Variants in MCTP2 observed in about 807,000 individuals in gnomAD.
MCTP2 encodes multiple C2 and transmembrane domain-containing protein 2.
Under a neutral mutation model 111.6 loss-of-function variants are expected in MCTP2, and 132 were observed. The ratio of observed to expected loss-of-function variants is 1.18; its 90% CI spans 1.03 to 1.37. The LOEUF (loss-of-function observed/expected upper bound fraction) is 1.37. Among genes scored for constraint, MCTP2 ranks in the 40% most tolerant of loss-of-function variants. MCTP2 has a pLI of 0.00. For synonymous variants in MCTP2, 395 were observed against 387.7 expected, an observed-to-expected ratio of 1.02 and a Z score of -0.22; for missense variants, 1,183 against 1,067.9, an observed-to-expected ratio of 1.11 and a Z score of -1.50.
chr15:94,243,522 TAC>T lies in MCTP2; in HGVS notation c.-66+11864_-66+11865del, dbSNP rs1360089941. Among the ~76,000 whole-genome samples the T allele has an allele frequency of 5.0e-5, 7 of 141,156 alleles. No individual in the cohort carries two copies. The East Asian group carries it at 6.2e-4, about 12-fold the overall frequency. 92.6% of individuals were successfully genotyped at this position (141,156 alleles called of 152,430 possible). A position where few individuals can be genotyped will look rare whatever the true frequency, so the allele number is the denominator to read the frequency against. On this transcript the variant is annotated intron_variant, in intron 1 of 22. Coordinates refer to ENST00000357742, the MANE Select transcript of MCTP2 (RefSeq NM_001385001.1). The stretch of plus-strand genomic sequence containing the variant: ...ACATATGTATGCGTATATGCGTATG[TAC>T]ACACATACGTATGCGTGCATACGTA...
intron 2 of MCTP2, among the ~76,000 whole-genome samples, chr15:94,305,717 G>A (rs1233164833): frequency 6.6e-6 from 1 of 152,144 alleles, no homozygotes; most frequent in Non-Finnish European, 1.5e-5. Context: ...CCAAAGGCTT[G>A]GAAAGCCATA....
chr15:94,403,002 A>C (rs11633973), intron 17 of MCTP2: 641,490 of 994,612 alleles, frequency 0.64, 210,145 homozygotes, highest in Middle Eastern at 0.71. Flanking sequence ...GGGAAAAAAA[A>C]CATTTATTAG....
At chr15:94,463,695 ATGATGTT>A (rs1453682785) in intron 20 of MCTP2, among the ~76,000 whole-genome samples, 4 of 152,124 alleles carry the variant, frequency 2.6e-5, no homozygotes, top group African/African-American at 9.7e-5. Flanking sequence ...ACCCTCAAGA[ATGATGTT>A]TGCTGTAGGT....
At chr15:94,424,608 G>A (rs552022404) in intron 17 of MCTP2, among the ~76,000 whole-genome samples, 2 of 152,244 alleles carry the variant, frequency 1.3e-5, no homozygotes, top group Non-Finnish European at 2.9e-5. Flanking sequence ...AGGACCACTA[G>A]GTTTTGGGAT....
intron 14 of MCTP2, among the ~76,000 whole-genome samples, chr15:94,397,743 A>G (rs1164901745): frequency 6.6e-6 from 1 of 152,222 alleles, no homozygotes; most frequent in Admixed American, 6.5e-5. Flanking sequence ...ACTGTTTATA[A>G]GAACACTTGT....
Position 94,401,997 on chromosome 15 carries a change from T to G in MCTP2, c.2063T>G (p.Leu688Ter). The G allele has an allele frequency of 1.9e-6, 3 of 1,613,528 alleles. No homozygotes were observed. The highest frequency in any genetic ancestry group is 2.5e-6 in the Non-Finnish European group (3 of 1,179,732). Residue 688 changes from leucine (L) to a stop codon, truncating the protein, a stop_gained, in exon 17 of 23, where the codon TTA becomes TGA. Coordinates refer to ENST00000357742, the MANE Select transcript of MCTP2 (RefSeq NM_001385001.1). LOFTEE classifies it high-confidence loss of function. Reference sequence around the variant, plus strand: ...AGCTGCTTCCAGTGGGAATCCACATTAAGAAGTACAATAGCATTCGCGGTA... The same window carrying G: ...AGCTGCTTCCAGTGGGAATCCACATGAAGAAGTACAATAGCATTCGCGGTA... The part of the protein sequence containing the change: ...LKSCFQWEST[L>*]RSTIAFAVFL...
chr15:94,446,341 A>G (rs576206536), intron 19 of MCTP2, among the ~76,000 whole-genome samples: 2 of 152,354 alleles, frequency 1.3e-5, no homozygotes, highest in African/African-American at 4.8e-5. Flanking sequence ...CAGAACAAAC[A>G]GATAATAGCT....
chr15:94,432,659 G>A (rs1398202204), intron 17 of MCTP2, among the ~76,000 whole-genome samples: 2 of 152,176 alleles, frequency 1.3e-5, no homozygotes, highest in South Asian at 2.1e-4. Flanking sequence ...TTCATGGACA[G>A]TGTGTAAGCC....
At chr15:94,303,478 CTT>C (rs1473745900) in intron 2 of MCTP2, among the ~76,000 whole-genome samples, 1 of 152,084 alleles carries the variant, frequency 6.6e-6, no homozygotes, top group Non-Finnish European at 1.5e-5. Context: ...ATGTTAATCT[CTT>C]TTAGCAACAC....
At chr15:94,388,976 G>A (rs749976210) in intron 14 of MCTP2, among the ~76,000 whole-genome samples, 2 of 152,162 alleles carry the variant, frequency 1.3e-5, no homozygotes, top group Admixed American at 6.5e-5. Flanking sequence ...CGTCAGGGTC[G>A]GGGTTGGGGG....
chr15:94,268,488 G>A (rs918861976), intron 1 of MCTP2, among the ~76,000 whole-genome samples: 5 of 151,984 alleles, frequency 3.3e-5, no homozygotes, highest in Non-Finnish European at 7.4e-5. Context: ...CACCGCGCCT[G>A]GCCACTTTCC....
At chr15:94,297,777 A>C (rs1450844520) in intron 1 of MCTP2, among the ~76,000 whole-genome samples, 1 of 152,228 alleles carries the variant, frequency 6.6e-6, no homozygotes, top group Non-Finnish European at 1.5e-5. Context: ...CTGGCCCTGC[A>C]CTGAGACTGT....
chr15:94,300,449 G>C (rs936641764), intron 2 of MCTP2, among the ~76,000 whole-genome samples: 1 of 149,992 alleles, frequency 6.7e-6, no homozygotes, highest in Non-Finnish European at 1.5e-5. Flanking sequence ...GGTAGAACCT[G>C]CAGTGAGCTA....
chr15:94,269,336 T>C (rs187824094), intron 1 of MCTP2, among the ~76,000 whole-genome samples: 7 of 152,348 alleles, frequency 4.6e-5, no homozygotes, highest in Non-Finnish European at 7.4e-5. Flanking sequence ...GGGCAGAGTT[T>C]CAAATTCTTC....
rs1397452114 is a variant in MCTP2 at position 94,315,634 on chromosome 15, TG to T, written c.635del (p.Cys212LeufsTer8). 1 of 1,612,788 alleles carries T rather than the reference TG, an allele frequency of 6.2e-7. No homozygotes were observed. Among genetic ancestry groups the T allele is most frequent in the Non-Finnish European group, 8.5e-7 (1 of 1,178,814 alleles). On this transcript the variant is annotated frameshift_variant and splice_region_variant, in exon 4 of 23. Coordinates refer to ENST00000357742, the MANE Select transcript of MCTP2 (RefSeq NM_001385001.1). LOFTEE classifies it high-confidence loss of function. Reference protein sequence around the residue: ...EGRNLVVRDRCGTSDPYVKFK... With the variant: ...EGRNLVVRDRXGTSDPYVKFK... ...CCGGAACCTGGTTGTCCGAGATCGCTGTGGTAAGACCTGGGTCTGTTATGGT... is the reference window on the plus strand; with the variant it reads ...CCGGAACCTGGTTGTCCGAGATCGCTTGGTAAGACCTGGGTCTGTTATGGT...
intron 18 of MCTP2, among the ~76,000 whole-genome samples, chr15:94,441,957 A>G (rs776319431): frequency 3.2e-4 from 48 of 152,212 alleles, no homozygotes; most frequent in Non-Finnish European, 6.3e-4. Context: ...AGGTAGGGCT[A>G]TACCGGCCCT....
intron 4 of MCTP2, among the ~76,000 whole-genome samples, chr15:94,325,236 T>C (rs1474422779): frequency 6.6e-6 from 1 of 152,076 alleles, no homozygotes; most frequent in Admixed American, 6.6e-5. Context: ...ATTAACCTGG[T>C]GTGTGTGCTT....
chr15:94,430,393 T>TCACACACACACACACACA (rs35129445), intron 17 of MCTP2, among the ~76,000 whole-genome samples: 8 of 107,198 alleles, frequency 7.5e-5, no homozygotes, highest in African/African-American at 3.0e-4. Context: ...CCAAAAACAA[T>TCACACACACACACACACA]CACACACACA....
At chr15:94,434,758 A>G (rs1490171446) in intron 17 of MCTP2, among the ~76,000 whole-genome samples, 1 of 152,188 alleles carries the variant, frequency 6.6e-6, no homozygotes, top group Non-Finnish European at 1.5e-5. Context: ...CTACTTTGCT[A>G]CAGCTTCATA....
Sources: allele counts gnomAD v4.1 joint callset (sites outside exome capture counted in the v4.1 genomes callset), GRCh38; gene constraint gnomAD v4.1.1; transcripts MANE v1.5; gene names NCBI Gene and HGNC (gene_info 2026-07-23, HGNC 2026-07-21).